Variants in FER observed in about 807,000 individuals in gnomAD.
FER encodes FER tyrosine kinase.
A neutral mutation model predicts 111.0 loss-of-function variants in FER; 63 were observed. The ratio of observed to expected loss-of-function variants is 0.57; its 90% CI spans 0.46 to 0.70. The LOEUF is 0.70. FER is among the 30% of genes least tolerant of loss of function. The probability of loss-of-function intolerance (pLI) is 0.00; values close to 1 mark genes in which losing one functional copy is unlikely to be tolerated. For missense variants in FER, 914 were observed against 954.0 expected (o/e 0.96, Z 0.55); for synonymous variants, 327 against 313.9 (o/e 1.04, Z -0.44).
chr5:108,934,799 T>C (rs1300881677), intron 10 of FER, among the ~76,000 whole-genome samples: 1 of 152,062 alleles, frequency 6.6e-6, no homozygotes, highest in Non-Finnish European at 1.5e-5. Flanking sequence ...TGAGAAAAAA[T>C]ATCTTTGGGA....
chr5:109,023,443 C>T (rs1293346972), intron 13 of FER, among the ~76,000 whole-genome samples: 1 of 152,082 alleles, frequency 6.6e-6, no homozygotes, highest in Non-Finnish European at 1.5e-5. Flanking sequence ...AAGTTGAACT[C>T]AGGGGAACAA....
At chr5:109,085,267 A>G (rs1010862663) in intron 16 of FER, among the ~76,000 whole-genome samples, 1 of 151,798 alleles carries the variant, frequency 6.6e-6, no homozygotes, top group Non-Finnish European at 1.5e-5. Flanking sequence ...ACTTATCAGT[A>G]TAAAGGTTTA....
intron 2 of FER, among the ~76,000 whole-genome samples, chr5:108,776,939 G>A (rs1218674252): frequency 2.6e-5 from 4 of 152,166 alleles, no homozygotes; most frequent in Non-Finnish European, 5.9e-5. Context: ...ATACACTTTT[G>A]TGTAATATTC....
At chr5:109,180,217 G>A (rs1002123956) in intron 17 of FER, among the ~76,000 whole-genome samples, 3 of 152,096 alleles carry the variant, frequency 2.0e-5, no homozygotes, top group East Asian at 1.9e-4. Context: ...AAACTCTCTG[G>A]TACCTCAGCC....
chr5:109,033,136 A>AT (rs1769877612), intron 13 of FER, among the ~76,000 whole-genome samples: 1 of 152,044 alleles, frequency 6.6e-6, no homozygotes, highest in Non-Finnish European at 1.5e-5. Context: ...TACAACTTTT[A>AT]TTTTCATTCA....
intron 17 of FER, among the ~76,000 whole-genome samples, chr5:109,112,243 A>C (rs889910565): frequency 1.3e-5 from 2 of 152,180 alleles, no homozygotes; most frequent in Admixed American, 6.6e-5. Context: ...ATCCAGTTGT[A>C]GATGAAGAGG....
At chr5:108,829,769 A>G (rs1759845159) in intron 3 of FER, among the ~76,000 whole-genome samples, 2 of 151,852 alleles carry the variant, frequency 1.3e-5, no homozygotes, top group African/African-American at 4.8e-5. Context: ...CTCAAACATC[A>G]CAATAAATAC....
intron 16 of FER, among the ~76,000 whole-genome samples, chr5:109,068,568 T>A (rs1287736210): frequency 6.6e-6 from 1 of 152,226 alleles, no homozygotes; most frequent in African/African-American, 2.4e-5. Flanking sequence ...GATGCTGTTA[T>A]ACCTGGAAGT....
At chr5:108,947,013 A>G (rs1033515234) in intron 11 of FER, among the ~76,000 whole-genome samples, 11 of 152,008 alleles carry the variant, frequency 7.2e-5, no homozygotes, top group Admixed American at 1.3e-4. Flanking sequence ...ATGTCATACA[A>G]TGTGACAGTA....
At chr5:108,819,745 A>G in intron 3 of FER, 1 of 973,488 alleles carries the variant, frequency 1.0e-6, no homozygotes, top group African/African-American at 1.8e-5. Flanking sequence ...GTGAGAGAGA[A>G]AAAAAGCATT....
chr5:109,061,987 G>A (rs1271242460), intron 16 of FER, among the ~76,000 whole-genome samples: 1 of 148,712 alleles, frequency 6.7e-6, no homozygotes, highest in Admixed American at 6.7e-5. Flanking sequence ...AGATGATTCT[G>A]TCTTTGTTTG....
intron 5 of FER, among the ~76,000 whole-genome samples, chr5:108,848,242 G>A (rs560524011): frequency 5.3e-5 from 8 of 152,046 alleles, no homozygotes; most frequent in South Asian, 4.1e-4. Context: ...TGCATCTCTT[G>A]TAAACAGCAT....
intron 10 of FER, among the ~76,000 whole-genome samples, chr5:108,911,750 CT>C (rs1751580787): frequency 6.6e-6 from 1 of 152,026 alleles, no homozygotes; most frequent in Non-Finnish European, 1.5e-5. Flanking sequence ...TTTTTGTGAA[CT>C]TTGTCAAAGG....
chr5:109,041,442 G>A (rs1323169139), intron 14 of FER, among the ~76,000 whole-genome samples: 3 of 148,978 alleles, frequency 2.0e-5, no homozygotes, highest in Non-Finnish European at 3.0e-5. Flanking sequence ...GACTTTTGAA[G>A]TCTGGATAAG....
chr5:108,983,970 A>G (rs1252807161), intron 13 of FER, among the ~76,000 whole-genome samples: 1 of 152,120 alleles, frequency 6.6e-6, no homozygotes, highest in African/African-American at 2.4e-5. Context: ...GCAGTCAGCA[A>G]ATATTTATTG....
At position 109,003,796 on chromosome 5, in the gene FER, A is replaced by G. The variant is rs145783173; in HGVS notation, c.1657-33626A>G. On this transcript the variant is annotated intron_variant, in intron 13 of 19. Coordinates refer to ENST00000281092, the MANE Select transcript of FER (RefSeq NM_005246.4). ...GAATTTCAAGATCAGCCTAGGCATC[A>G]TAGAGAGACCCCATCTCTACAAAAA... Among the ~76,000 whole-genome samples the G allele has an allele frequency of 2.4e-3, 358 of 152,218 alleles. 1 individual carries two copies. Among genetic ancestry groups the G allele is most frequent in the African/African-American group, 7.2e-3 (298 of 41,536 alleles).
intron 10 of FER, among the ~76,000 whole-genome samples, chr5:108,921,055 C>T (rs1287000213): frequency 6.6e-6 from 1 of 152,048 alleles, no homozygotes; most frequent in African/African-American, 2.4e-5. Context: ...GACCAACTGC[C>T]TTCTTTTGAT....
chr5:108,846,066 T>C (rs1260832836), intron 5 of FER, among the ~76,000 whole-genome samples: 1 of 152,208 alleles, frequency 6.6e-6, no homozygotes, highest in Non-Finnish European at 1.5e-5. Flanking sequence ...CTATGTTTCT[T>C]GTAATGTCTT....
At chr5:108,781,927 T>C (rs1469027376) in intron 2 of FER, among the ~76,000 whole-genome samples, 1 of 152,016 alleles carries the variant, frequency 6.6e-6, no homozygotes, top group Admixed American at 6.6e-5. Context: ...GGGTTTTTTT[T>C]TTTTCCCCCA....
Sources: allele counts gnomAD v4.1 joint callset (sites outside exome capture counted in the v4.1 genomes callset), GRCh38; gene constraint gnomAD v4.1.1; transcripts MANE v1.5; gene names NCBI Gene and HGNC (gene_info 2026-07-23, HGNC 2026-07-21).